ST7: variants seen among roughly 807,000 people sequenced by gnomAD.
ST7 encodes the protein suppressor of tumorigenicity 7 protein.
ST7 carries 28 observed loss-of-function variants against 78.7 expected under a neutral mutation model. The ratio of observed to expected loss-of-function variants is 0.36; its 90% CI spans 0.26 to 0.49. ST7 has a LOEUF of 0.49. Among genes scored for constraint, ST7 ranks in the 20% least tolerant of loss-of-function variants. The pLI is 0.99. For missense variants in ST7, 418 were observed against 696.0 expected, an observed-to-expected ratio of 0.60 and a Z score of 4.49; for synonymous variants, 247 against 249.6, an observed-to-expected ratio of 0.99 and a Z score of 0.10.
intron 1 of ST7, among the ~76,000 whole-genome samples, chr7:116,982,818 C>A (rs1435185324): frequency 6.6e-6 from 1 of 152,176 alleles, no homozygotes; most frequent in African/African-American, 2.4e-5. Flanking sequence ...TGAGGAGTTG[C>A]TGTTCCCAGT....
chr7:117,220,057 A>G (rs1360287878), intron 14 of ST7, among the ~76,000 whole-genome samples: 1 of 152,084 alleles, frequency 6.6e-6, no homozygotes, highest in African/African-American at 2.4e-5. Flanking sequence ...CCCTTTCACC[A>G]GCCCCAGTTA....
In ST7 at chr7:117,099,826, A is replaced by C. The variant is rs1235916283; in HGVS notation, c.216A>C (p.Leu72=). The C allele has an allele frequency of 3.1e-6, 5 of 1,613,570 alleles. No homozygotes were observed. ...FYVALTGTSS[L]ISGLILIFEW... ...TGGCCCTAACAGGCACTTCCTCACT[A>C]ATATCAGGGCTTATTTTGGTAAGTG... Residue 72 remains leucine, a synonymous_variant, in exon 2 of 16, where the codon CTA becomes CTC. Coordinates refer to ENST00000323984, the MANE Select transcript of ST7 (RefSeq NM_001369598.1).
intron 9 of ST7, among the ~76,000 whole-genome samples, chr7:117,168,565 T>C (rs1807738648): frequency 6.6e-6 from 1 of 152,046 alleles, no homozygotes; most frequent in South Asian, 2.1e-4. Flanking sequence ...GAACAAGAAA[T>C]ACTTTTATTG....
intron 1 of ST7, among the ~76,000 whole-genome samples, chr7:116,984,435 C>G (rs1438177507): frequency 6.6e-6 from 1 of 152,132 alleles, no homozygotes; most frequent in Non-Finnish European, 1.5e-5. Context: ...AATAGCGCAT[C>G]TCTCTTTTCC....
chr7:116,967,203 G>A (rs1287196763), intron 1 of ST7: 2 of 394,926 alleles, frequency 5.1e-6, no homozygotes, highest in Admixed American at 5.0e-5. Flanking sequence ...TGTGTAGGAC[G>A]AAGGCTATAT....
intron 1 of ST7, among the ~76,000 whole-genome samples, chr7:117,070,239 G>A (rs1396081256): frequency 6.6e-6 from 1 of 152,196 alleles, no homozygotes; most frequent in Non-Finnish European, 1.5e-5. Context: ...CAGACTTAAA[G>A]TCCAGTGAGT....
At chr7:117,136,007 C>A in intron 7 of ST7, 74 bp from the exon 8 acceptor site, 3 of 1,531,064 alleles carry the variant, frequency 2.0e-6, no homozygotes, top group Non-Finnish European at 2.6e-6. Flanking sequence ...CCTTGCCTTT[C>A]TGCATGAGCT....
In ST7 at chr7:117,029,756, AT is replaced by A. The variant is rs148567226; in HGVS notation, c.152-69994del. On this transcript the variant is annotated intron_variant, in intron 1 of 15. Coordinates refer to ENST00000323984, the MANE Select transcript of ST7 (RefSeq NM_001369598.1). ...TAATATGAGGTAATGGTAAATGTTCATTTTTTTTTTTTAGTGAAATGAATAT... is the reference window on the plus strand; with the variant it reads ...TAATATGAGGTAATGGTAAATGTTCATTTTTTTTTTTAGTGAAATGAATAT... Among the ~76,000 whole-genome samples, 383 of 146,714 alleles carry A rather than the reference AT, an allele frequency of 2.6e-3. 1 individual carries two copies. Among genetic ancestry groups the A allele is most frequent in the Admixed American group, 4.3e-3 (64 of 14,754 alleles).
chr7:117,154,607 G>A (rs1171886278), intron 9 of ST7, among the ~76,000 whole-genome samples: 3 of 152,176 alleles, frequency 2.0e-5, no homozygotes, highest in Non-Finnish European at 2.9e-5. Flanking sequence ...TGAGTTAAGA[G>A]TATTAAGGGA....
At chr7:117,138,330 T>G in intron 8 of ST7, 105 bp from the exon 9 acceptor site, 1 of 607,008 alleles carries the variant, frequency 1.6e-6, no homozygotes, top group East Asian at 2.9e-5. Context: ...ATTCTACTAT[T>G]AACAAAGTTG....
intron 2 of ST7, among the ~76,000 whole-genome samples, chr7:117,104,854 A>G (rs1801833450): frequency 6.6e-6 from 1 of 152,150 alleles, no homozygotes; most frequent in Admixed American, 6.5e-5. Context: ...GAAAAGGCAT[A>G]AGAAATGTAT....
intron 1 of ST7, among the ~76,000 whole-genome samples, chr7:117,005,571 C>T (rs946596411): frequency 2.0e-5 from 3 of 152,144 alleles, no homozygotes; most frequent in Non-Finnish European, 2.9e-5. Flanking sequence ...CAAGAGATTC[C>T]GTTTCTTCTT....
chr7:117,113,229 C>T (rs1015968090), intron 2 of ST7, among the ~76,000 whole-genome samples: 37 of 152,304 alleles, frequency 2.4e-4, no homozygotes, highest in African/African-American at 8.4e-4. Flanking sequence ...GACTTACCTA[C>T]GAAACTTTGC....
chr7:117,001,331 GA>G (rs11355609), intron 1 of ST7, among the ~76,000 whole-genome samples: 151,530 of 152,310 alleles, frequency 0.99, 75,381 homozygotes, highest in Middle Eastern at 1. Flanking sequence ...CCTTTTGCCT[GA>G]AAAAAACATA....
intron 1 of ST7, among the ~76,000 whole-genome samples, chr7:117,066,006 T>C (rs1798613403): frequency 6.6e-6 from 1 of 152,226 alleles, no homozygotes; most frequent in Admixed American, 6.5e-5. Context: ...GTTCCTTAAA[T>C]TCTTTGACTC....
intron 1 of ST7, among the ~76,000 whole-genome samples, chr7:117,057,947 C>T (rs1219575691): frequency 6.6e-6 from 1 of 152,134 alleles, no homozygotes; most frequent in East Asian, 1.9e-4. Flanking sequence ...TTTTGCAGAA[C>T]CTCAGTTGTT....
chr7:117,208,103 G>T (rs1397133189), intron 12 of ST7, among the ~76,000 whole-genome samples: 1 of 152,000 alleles, frequency 6.6e-6, no homozygotes, highest in Non-Finnish European at 1.5e-5. Flanking sequence ...TATTATGGCT[G>T]ATATTCATTA....
At chr7:117,204,190 C>T (rs1291816600) in intron 12 of ST7, among the ~76,000 whole-genome samples, 2 of 152,124 alleles carry the variant, frequency 1.3e-5, no homozygotes, top group Non-Finnish European at 2.9e-5. Flanking sequence ...ATCTGTGGGA[C>T]ATGTATATGT....
chr7:117,226,655 G>T (rs910793750), intron 15 of ST7, among the ~76,000 whole-genome samples: 5 of 152,086 alleles, frequency 3.3e-5, no homozygotes, highest in African/African-American at 1.2e-4. Context: ...AAGTGAAAGG[G>T]CTTAGCAGCT....
Sources: gnomAD v4.1 joint callset for allele counts (sites outside exome capture counted in the v4.1 genomes callset) on GRCh38, gnomAD v4.1.1 for gene constraint, MANE v1.5 for transcripts, NCBI Gene and HGNC (gene_info 2026-07-23, HGNC 2026-07-21) for gene names.